Variants in KMT2C observed in about 807,000 individuals in gnomAD.
KMT2C encodes lysine methyltransferase 2C.
In KMT2C, 88 loss-of-function variants were observed where a neutral mutation model predicts 507.9. The ratio of observed to expected loss-of-function variants is 0.17; its 90% CI spans 0.15 to 0.21. The LOEUF is 0.21. Among genes scored for constraint, KMT2C ranks in the 10% least tolerant of loss-of-function variants. The probability of loss-of-function intolerance (pLI) is 1.00; values close to 1 mark genes in which losing one functional copy is unlikely to be tolerated. For synonymous variants in KMT2C, 2,049 were observed against 2,080.8 expected, an observed-to-expected ratio of 0.98 and a Z score of 0.42; for missense variants, 4,954 against 5,957.8, an observed-to-expected ratio of 0.83 and a Z score of 5.55.
intron 28 of KMT2C, 198 bp downstream of exon 28, chr7:152,195,709 G>C (rs1269856615): frequency 3.7e-6 from 1 of 268,948 alleles, no homozygotes; most frequent in East Asian, 1.8e-4. Flanking sequence ...AAAGACGACA[G>C]AAATTAACTA....
chr7:152,330,803 A>G lies in KMT2C; in HGVS notation c.251-64T>C. ...TTGTGTTTATTTTAATCACTGGTGA[A>G]TGTATCTATAAAGCATAGGTCATAA... is the stretch of plus-strand genomic sequence containing the variant. On this transcript the variant is annotated intron_variant, in intron 2 of 58. Transcript: ENST00000262189. The G allele has an allele frequency of 2.1e-6, 3 of 1,428,166 alleles. 1 individual carries two copies. In the East Asian group the frequency reaches 6.8e-5, roughly 32 times the overall value. The allele number at this position is 1,428,166 out of a possible 1,614,324, so 88.5% of individuals were successfully genotyped here. A position where few individuals can be genotyped will look rare whatever the true frequency, so the allele number is the denominator to read the frequency against.
rs2129093040 is a variant in KMT2C at position 152,144,957 on chromosome 7, G to T, written c.14175-76C>A. 6.9e-7 allele frequency: 1 copy of T among 1,459,552 alleles called. No individual in the cohort carries two copies. The highest frequency in any genetic ancestry group is 9.2e-7 in the Non-Finnish European group (1 of 1,082,068). The allele number at this position is 1,459,552 out of a possible 1,614,324, so 90.4% of individuals were successfully genotyped here. On this transcript the variant is annotated intron_variant, in intron 54 of 58. Transcript: ENST00000262189. The surrounding 1 kb of genome is among the most constrained non-coding windows in gnomAD (Gnocchi z 4.4). ...TACCTCTGAGTAATGCCCAAAACCA[G>T]GTTAATTCAGATTCTTACTGACAGA...
intron 8 of KMT2C, among the ~76,000 whole-genome samples, chr7:152,263,928 A>AG (rs1480988416): frequency 6.6e-6 from 1 of 152,190 alleles, no homozygotes; most frequent in Admixed American, 6.5e-5. Context: ...AAGAGCTGAG[A>AG]GAGGAATCTC....
At chr7:152,179,125 C>T (rs1025468853) in intron 37 of KMT2C, among the ~76,000 whole-genome samples, 5 of 152,160 alleles carry the variant, frequency 3.3e-5, no homozygotes, top group Admixed American at 6.5e-5. Context: ...TGAGTAGCCG[C>T]GAATACAGGT....
chr7:152,213,505 T>C (rs1224100625), intron 23 of KMT2C, among the ~76,000 whole-genome samples: 1 of 151,950 alleles, frequency 6.6e-6, no homozygotes, highest in Non-Finnish European at 1.5e-5. Flanking sequence ...AAACTAGATA[T>C]CTATATGCAA....
intron 14 of KMT2C, among the ~76,000 whole-genome samples, chr7:152,241,986 ATACT>A: frequency 6.6e-6 from 1 of 152,362 alleles, no homozygotes; most frequent in East Asian, 1.9e-4. Context: ...AATTATCATT[ATACT>A]TAGATATTCT....
At chr7:152,280,258 C>T (rs1459406347) in intron 6 of KMT2C, among the ~76,000 whole-genome samples, 1 of 152,048 alleles carries the variant, frequency 6.6e-6, no homozygotes, top group African/African-American at 2.4e-5. Flanking sequence ...AAATGGTGAG[C>T]TCAGCAGGGT....
intron 1 of KMT2C, among the ~76,000 whole-genome samples, chr7:152,389,573 C>G (rs1480727443): frequency 1.3e-5 from 2 of 151,950 alleles, no homozygotes; most frequent in African/African-American, 4.8e-5. Context: ...TCCCAAGTAG[C>G]TGGGACTACA....
intron 15 of KMT2C, among the ~76,000 whole-genome samples, chr7:152,237,985 A>T (rs1207933573): frequency 6.6e-6 from 1 of 152,306 alleles, no homozygotes; most frequent in South Asian, 2.1e-4. Context: ...TTATACCTCA[A>T]TATCTTGGAT....
intron 9 of KMT2C, among the ~76,000 whole-genome samples, chr7:152,257,581 T>C (rs545721047): frequency 1.3e-5 from 2 of 152,280 alleles, no homozygotes; most frequent in Non-Finnish European, 2.9e-5. Context: ...ACTGAATAAA[T>C]GTGCTGATGT....
At chr7:152,416,644 ATCTC>A in intron 1 of KMT2C, among the ~76,000 whole-genome samples, 2 of 151,222 alleles carry the variant, frequency 1.3e-5, no homozygotes, top group African/African-American at 4.9e-5. Flanking sequence ...GAACCGCTTG[ATCTC>A]AGGAGGCGGA....
At chr7:152,343,474 A>T (rs1189839620) in intron 2 of KMT2C, among the ~76,000 whole-genome samples, 1 of 151,418 alleles carries the variant, frequency 6.6e-6, no homozygotes, top group Non-Finnish European at 1.5e-5. Flanking sequence ...AAAAGAACAG[A>T]ATGTTTAATA....
In KMT2C at chr7:152,136,351, G is replaced by A. The variant is rs1323967045; in HGVS notation, c.*481C>T. On this transcript the variant is annotated 3_prime_UTR_variant, in exon 59 of 59. Transcript: ENST00000262189. ...TTTATTTAAAAACATTTTGAAGTTAGAGGGCCTGCCCCTTTTTAATAAGGC... is the reference window on the plus strand; with the variant it reads ...TTTATTTAAAAACATTTTGAAGTTAAAGGGCCTGCCCCTTTTTAATAAGGC... 4.5e-6 allele frequency: 1 copy of A among 221,326 alleles called. No individual in the cohort carries two copies. The highest frequency in any genetic ancestry group is 9.0e-6 in the Non-Finnish European group (1 of 110,626). 13.7% of individuals were successfully genotyped at this position (221,326 alleles called of 1,614,324 possible).
intron 34 of KMT2C, 62 bp from the exon 35 acceptor site, chr7:152,183,218 A>T (rs2129121721): frequency 7.8e-7 from 1 of 1,289,984 alleles, no homozygotes; most frequent in East Asian, 2.4e-5. Context: ...GGAATAAAAT[A>T]AAACTATCAT....
At chr7:152,212,446 AG>A (rs2094475850) in intron 23 of KMT2C, among the ~76,000 whole-genome samples, 1 of 152,240 alleles carries the variant, frequency 6.6e-6, no homozygotes, top group Non-Finnish European at 1.5e-5. Context: ...AGGAAATAAA[AG>A]GCATCAGCAG....
At chr7:152,396,067 A>C (rs1334460414) in intron 1 of KMT2C, among the ~76,000 whole-genome samples, 11 of 152,144 alleles carry the variant, frequency 7.2e-5, no homozygotes, top group Admixed American at 7.2e-4. Flanking sequence ...TCAGCCCCAA[A>C]TCAAACAGCT....
chr7:152,353,551 T>C (rs963180209), intron 2 of KMT2C, among the ~76,000 whole-genome samples: 2 of 152,134 alleles, frequency 1.3e-5, no homozygotes, highest in African/African-American at 4.8e-5. Context: ...TGGTGAACAG[T>C]GGTGCGACTG....
intron 3 of KMT2C, among the ~76,000 whole-genome samples, chr7:152,321,068 T>A (rs2096768918): frequency 1.3e-5 from 2 of 151,816 alleles, no homozygotes; most frequent in African/African-American, 4.8e-5. Flanking sequence ...ACCCCGTCTC[T>A]ACTAAAAATA....
At chr7:152,222,227 G>C (rs778835787) in intron 21 of KMT2C, among the ~76,000 whole-genome samples, 161 bp from the exon 22 acceptor site, 2 of 152,092 alleles carry the variant, frequency 1.3e-5, no homozygotes, top group Non-Finnish European at 2.9e-5. Flanking sequence ...AACAAAACAA[G>C]AAGTGATGAA....
Sources: allele counts gnomAD v4.1 joint callset (sites outside exome capture counted in the v4.1 genomes callset), GRCh38; gene constraint gnomAD v4.1.1; non-coding constraint Gnocchi (gnomAD v3.1); transcripts MANE v1.5; gene names NCBI Gene and HGNC (gene_info 2026-07-23, HGNC 2026-07-21).